Variants in PPFIBP2 observed in about 807,000 individuals in gnomAD.
PPFIBP2 encodes the protein liprin-beta-2.
In PPFIBP2, 118 loss-of-function variants were observed where a neutral mutation model predicts 118.3. That is an observed-to-expected ratio of 1.00 (90% CI 0.86 to 1.16). The LOEUF is 1.16. Among genes scored for constraint, PPFIBP2 ranks in the 50% most tolerant of loss-of-function variants. The pLI, the probability that PPFIBP2 is intolerant of heterozygous loss-of-function variation, is 0.00. For missense variants in PPFIBP2, 1,195 were observed against 1,073.1 expected (o/e 1.11, Z -1.59); for synonymous variants, 414 against 397.4 (o/e 1.04, Z -0.50).
chr11:7,651,720 C>T lies in PPFIBP2; in HGVS notation c.2312C>T (p.Thr771Met), dbSNP rs570112491. ...AMLLNIPPQK[T>M]LLRRHLTTKF... Reference sequence around the variant, plus strand: ...CTTCTCAACATCCCCCCACAAAAGACGCTCCTCAGGCGCCACCTGACCACC... The same window carrying T: ...CTTCTCAACATCCCCCCACAAAAGATGCTCCTCAGGCGCCACCTGACCACC... The change falls in exon 23 of 24, where the codon ACG becomes ATG. Residue 771 changes from threonine (T) to methionine (M), a missense_variant. Coordinates refer to ENST00000299492, the MANE Select transcript of PPFIBP2 (RefSeq NM_003621.5). The T allele has an allele frequency of 2.4e-5, 39 of 1,613,960 alleles. No homozygotes were observed. The highest frequency in any genetic ancestry group is 1.7e-4 in the Middle Eastern group (1 of 6,060).
rs955555837 is a variant in PPFIBP2, at chr11:7,651,897, G to A, written c.2436+53G>A. ...CCCTGGGCTGCCTCCTGGCCCTCAC[G>A]CAGCACAGCACCTGGCGCGATGCCC... On this transcript the variant is annotated intron_variant, in intron 23 of 23. Transcript: ENST00000299492. 59 of 1,516,918 alleles carry A rather than the reference G, an allele frequency of 3.9e-5. 1 individual carries two copies. The highest frequency in any genetic ancestry group is 4.1e-4 in the Middle Eastern group (2 of 4,886). The allele number at this position is 1,516,918 out of a possible 1,614,324, so 94.0% of individuals were successfully genotyped here.
At chr11:7,568,787 A>T (rs1249530900) in intron 3 of PPFIBP2, 1 of 152,242 alleles carries the variant, frequency 6.6e-6, no homozygotes, top group Non-Finnish European at 1.5e-5. Flanking sequence ...TTCTAAGGAA[A>T]AGGATCTGAT....
chr11:7,515,431 G>T (rs944140066), intron 1 of PPFIBP2, among the ~76,000 whole-genome samples: 1 of 152,210 alleles, frequency 6.6e-6, no homozygotes, highest in African/African-American at 2.4e-5. Context: ...AGTGGAATGA[G>T]ATCAATGACA....
At chr11:7,666,053 A>C in the PPFIBP2 span, 80 of 751,264 alleles carry the variant, frequency 1.1e-4, no homozygotes, top group African/African-American at 1.1e-3. Context: ...CTGGGGGCTC[A>C]GCATGTCCAG....
chr11:7,596,202 A>C (rs1291368566), intron 4 of PPFIBP2, among the ~76,000 whole-genome samples: 1 of 152,196 alleles, frequency 6.6e-6, no homozygotes, highest in Non-Finnish European at 1.5e-5. Context: ...AAGATTAACC[A>C]GAAAACATCC....
At chr11:7,634,324 A>G (rs1050394518) in intron 12 of PPFIBP2, among the ~76,000 whole-genome samples, 171 bp from the exon 13 acceptor site, 1 of 152,180 alleles carries the variant, frequency 6.6e-6, no homozygotes, top group Non-Finnish European at 1.5e-5. Flanking sequence ...CTGTCCCCCA[A>G]GGTGGGCCAG....
intron 2 of PPFIBP2, among the ~76,000 whole-genome samples, chr11:7,563,758 G>C (rs1564977550): frequency 6.6e-6 from 1 of 152,184 alleles, no homozygotes; most frequent in African/African-American, 2.4e-5. Flanking sequence ...ACTGCTGAAA[G>C]GAGCACAGAC....
At chr11:7,547,433 T>A (rs1223106189) in intron 1 of PPFIBP2, among the ~76,000 whole-genome samples, 1 of 152,136 alleles carries the variant, frequency 6.6e-6, no homozygotes, top group Non-Finnish European at 1.5e-5. Context: ...TTTGGAATTT[T>A]CCCCTTAGAG....
At chr11:7,582,712 A>G (rs2135053175) in intron 3 of PPFIBP2, among the ~76,000 whole-genome samples, 1 of 150,932 alleles carries the variant, frequency 6.6e-6, no homozygotes, top group South Asian at 2.1e-4. Context: ...TACCAATGTC[A>G]TAGGAAAAAA....
chr11:7,544,406 C>T (rs1442279670), intron 1 of PPFIBP2, among the ~76,000 whole-genome samples: 1 of 152,130 alleles, frequency 6.6e-6, no homozygotes, highest in Admixed American at 6.5e-5. Context: ...CCCCATGGCA[C>T]ATTGTTGATT....
intron 2 of PPFIBP2, 138 bp from the exon 3 acceptor site, chr11:7,565,415 C>T (rs1287410701): frequency 1.2e-5 from 10 of 831,398 alleles, no homozygotes; most frequent in East Asian, 7.3e-5. Context: ...AGACTACAGG[C>T]GTGCACCGCC....
At chr11:7,587,987 A>G (rs1394349023) in intron 3 of PPFIBP2, among the ~76,000 whole-genome samples, 1 of 152,208 alleles carries the variant, frequency 6.6e-6, no homozygotes, top group African/African-American at 2.4e-5. Flanking sequence ...CAAGGGGAAC[A>G]ATTTGGCTGA....
At chr11:7,554,908 T>G (rs1251775803) in intron 2 of PPFIBP2, among the ~76,000 whole-genome samples, 1 of 151,998 alleles carries the variant, frequency 6.6e-6, no homozygotes, top group Non-Finnish European at 1.5e-5. Context: ...TTGTCAATAA[T>G]GACTTGGTTC....
In PPFIBP2 at chr11:7,625,991, G is replaced by A. The variant is rs113203936; in HGVS notation, c.826+100G>A. 4.7e-3 allele frequency: 4,675 copies of A among 993,832 alleles called. 139 individuals are homozygous for A. In the African/African-American group the frequency reaches 0.065, roughly 14 times the overall value. The allele number at this position is 993,832 out of a possible 1,614,324, so 61.6% of individuals were successfully genotyped here. ...TATAAATGAGTGTGCATATGTGCTT[G>A]TGTGTGTAGCCATGCTAATGGACAT... On this transcript the variant is annotated intron_variant, in intron 8 of 23. Coordinates refer to ENST00000299492, the MANE Select transcript of PPFIBP2 (RefSeq NM_003621.5).
intron 17 of PPFIBP2, among the ~76,000 whole-genome samples, chr11:7,644,033 C>T (rs886932713): frequency 6.6e-6 from 1 of 152,100 alleles, no homozygotes; most frequent in African/African-American, 2.4e-5. Context: ...TTTTATGAAC[C>T]TCCAAATTTC....
downstream of PPFIBP2, among the ~76,000 whole-genome samples, chr11:7,656,355 G>A (rs1309069072): frequency 2.0e-5 from 3 of 152,120 alleles, no homozygotes; most frequent in African/African-American, 7.2e-5. Flanking sequence ...CAAGGACAGG[G>A]ACACACGACT....
chr11:7,599,797 ATT>A lies in PPFIBP2; in HGVS notation c.486+2143_486+2144del, dbSNP rs1200161212. Among the ~76,000 whole-genome samples the A allele has an allele frequency of 8.1e-3, 956 of 117,368 alleles. 23 individuals carry two copies. The highest frequency in any genetic ancestry group is 0.03 in the African/African-American group (915 of 30,134). The allele number at this position is 117,368 out of a possible 152,430, so 77.0% of individuals were successfully genotyped here. On this transcript the variant is annotated intron_variant, in intron 5 of 23. Coordinates refer to ENST00000299492, the MANE Select transcript of PPFIBP2 (RefSeq NM_003621.5). Reference sequence around the variant, plus strand: ...AGGTGCCTGCCACCACGCCCGGCTAATTTTTTTTTTTTTTTTTTTTGTAGTTT... The same window carrying A: ...AGGTGCCTGCCACCACGCCCGGCTAATTTTTTTTTTTTTTTTTTGTAGTTT...
intron 5 of PPFIBP2, among the ~76,000 whole-genome samples, chr11:7,599,836 G>C (rs1197837430): frequency 6.8e-6 from 1 of 147,686 alleles, no homozygotes; most frequent in African/African-American, 2.5e-5. Context: ...AGTAGAGACG[G>C]GGTTTCACCA....
intron 1 of PPFIBP2, among the ~76,000 whole-genome samples, chr11:7,526,358 G>T (rs527939016): frequency 6.6e-6 from 1 of 152,152 alleles, no homozygotes; most frequent in Non-Finnish European, 1.5e-5. Context: ...GTGGGATCGA[G>T]AAATAATAAG....
Sources: gnomAD v4.1 joint callset for allele counts (sites outside exome capture counted in the v4.1 genomes callset) on GRCh38, gnomAD v4.1.1 for gene constraint, MANE v1.5 for transcripts, NCBI Gene and HGNC (gene_info 2026-07-23, HGNC 2026-07-21) for gene names.